The following FAAP20 variants were observed in gnomAD, a reference collection of about 807,000 sequenced individuals.
FAAP20 encodes Fanconi anemia core complex-associated protein 20.
FAAP20 carries 12 observed loss-of-function variants against 16.2 expected under a neutral mutation model. That is an observed-to-expected ratio of 0.74 (90% confidence interval 0.48 to 1.20). The LOEUF is 1.20. Ranked by LOEUF, FAAP20 falls within the 50% of genes most tolerant of loss-of-function variation. The pLI is 0.00. For missense variants in FAAP20, 288 were observed against 245.8 expected, an observed-to-expected ratio of 1.17 and a Z score of -1.15; for synonymous variants, 141 against 110.7, an observed-to-expected ratio of 1.27 and a Z score of -1.72.
upstream of FAAP20, chr1:2,199,468 AT>A: frequency 3.0e-6 from 3 of 997,662 alleles, no homozygotes; most frequent in Non-Finnish European, 3.6e-6. This position sits in a 1 kb window ranked among gnomAD's most constrained non-coding sequence, Gnocchi z 4.5. Context: ...GTGAGCTCAG[AT>A]GCTGATTGGT....
At chr1:2,191,629 T>C (rs1233806368) in intron 3 of FAAP20, 1 of 160,316 alleles carries the variant, frequency 6.2e-6, no homozygotes, top group Non-Finnish European at 1.3e-5. Context: ...TAATCCCAGC[T>C]ACTCAGGAGA....
chr1:2,187,379 A>G (rs943801186), downstream of FAAP20, among the ~76,000 whole-genome samples: 4 of 147,774 alleles, frequency 2.7e-5, no homozygotes, highest in Non-Finnish European at 5.9e-5. Context: ...ATCTCGGCTC[A>G]CTGCAACCTC....
chr1:2,198,047 G>A (rs1688893280), upstream of FAAP20: 5 of 1,291,424 alleles, frequency 3.9e-6, no homozygotes, highest in Non-Finnish European at 5.1e-6. Context: ...TGACACAGCG[G>A]TGCTGGTGAT....
At chr1:2,200,832 C>T, upstream of FAAP20, 2 of 1,050,608 alleles carry the variant, frequency 1.9e-6, no homozygotes, top group Non-Finnish European at 2.3e-6. Flanking sequence ...GAGGATCCCC[C>T]AAGGTCCTCC....
chr1:2,194,728 G>T lies in FAAP20; in HGVS notation c.22C>A (p.Arg8=). The change falls in exon 1 of 4, where the codon CGG becomes AGG. Residue 8 remains arginine, a synonymous_variant. Coordinates refer to ENST00000378546, the MANE Select transcript of FAAP20 (RefSeq NM_182533.4). MEAARRP[R]LGLSRRRPRP... is the part of the protein sequence containing the mutation. ...GGCCTCCGGCGGCTCAACCCCAGCCGCGGCCTCCGCGCCGCCTCCATCCAA... is the reference window on the plus strand; with the variant it reads ...GGCCTCCGGCGGCTCAACCCCAGCCTCGGCCTCCGCGCCGCCTCCATCCAA... 1.7e-6 allele frequency: 2 copies of T among 1,190,058 alleles called. No homozygotes were observed. The highest frequency in any genetic ancestry group is 2.1e-6 in the Non-Finnish European group (2 of 963,616). The allele number at this position is 1,190,058 out of a possible 1,614,324, so 73.7% of individuals were successfully genotyped here.
chr1:2,197,350 C>T (rs532304422), upstream of FAAP20, among the ~76,000 whole-genome samples: 10 of 152,304 alleles, frequency 6.6e-5, 1 homozygote, highest in Middle Eastern at 6.8e-3. Context: ...GGGGCAGAGC[C>T]GAGCAGAAGC....
downstream of FAAP20, among the ~76,000 whole-genome samples, chr1:2,188,454 T>A (rs1353275606): frequency 1.3e-5 from 2 of 152,158 alleles, no homozygotes; most frequent in African/African-American, 4.8e-5. Context: ...AACCAGACTC[T>A]CTCGGCTCCA....
chr1:2,195,995 C>T (rs2503711), upstream of FAAP20, among the ~76,000 whole-genome samples: 2 of 151,936 alleles, frequency 1.3e-5, no homozygotes, highest in Non-Finnish European at 2.9e-5. Context: ...TGCTGCAGGC[C>T]GTGTGGTCTC....
chr1:2,185,256 G>C (rs915975725), downstream of FAAP20: 2 of 714,606 alleles, frequency 2.8e-6, no homozygotes, highest in Non-Finnish European at 5.2e-6. Flanking sequence ...GCGGATCCGC[G>C]GGGACCCTGC....
downstream of FAAP20, among the ~76,000 whole-genome samples, chr1:2,207,372 C>T (rs201219114): frequency 3.9e-5 from 6 of 152,310 alleles, no homozygotes; most frequent in East Asian, 9.7e-4. Flanking sequence ...CAAAGCTGCT[C>T]TCCTCTTTTC....
At chr1:2,211,424 TA>T (rs1689438705), downstream of FAAP20, among the ~76,000 whole-genome samples, 3 of 30,722 alleles carry the variant, frequency 9.8e-5, no homozygotes, top group African/African-American at 4.2e-4. Context: ...TATATATATA[TA>T]TATATATATA....
Position 2,189,638 on chromosome 1 carries a change from G to A in FAAP20, c.*71C>T. ...AGGCGGGGCTGCTGGCGGGGGAGCC[G>A]AGAGGCGGGGCTGCTGGCGGGGGAG... On this transcript the variant is annotated 3_prime_UTR_variant, in exon 4 of 4. Transcript: ENST00000378546. The A allele has an allele frequency of 7.9e-7, 1 of 1,267,244 alleles. No homozygotes were observed. Among genetic ancestry groups the A allele is most frequent in the Non-Finnish European group, 1.1e-6 (1 of 899,542 alleles). The allele number at this position is 1,267,244 out of a possible 1,614,324, so 78.5% of individuals were successfully genotyped here. A position where few individuals can be genotyped will look rare whatever the true frequency, so the allele number is the denominator to read the frequency against.
chr1:2,197,557 C>G (rs539693810), upstream of FAAP20, among the ~76,000 whole-genome samples: 21 of 152,348 alleles, frequency 1.4e-4, 1 homozygote, highest in South Asian at 3.7e-3. Flanking sequence ...CTTAGCCACC[C>G]CAGTGGGCCT....
chr1:2,210,985 C>T (rs548892202), downstream of FAAP20, among the ~76,000 whole-genome samples: 6 of 152,278 alleles, frequency 3.9e-5, no homozygotes, highest in Non-Finnish European at 7.4e-5. Context: ...GGTGTGGGGC[C>T]GGGCCCTGCA....
At chr1:2,211,907 T>TC (rs1194642528), downstream of FAAP20, among the ~76,000 whole-genome samples, 2 of 144,602 alleles carry the variant, frequency 1.4e-5, 1 homozygote, top group Non-Finnish European at 3.0e-5. Flanking sequence ...CTGCTTTTTT[T>TC]TTTTTTTTTT....
At chr1:2,198,036 A>T, upstream of FAAP20, 1 of 1,291,414 alleles carries the variant, frequency 7.7e-7, no homozygotes, top group Non-Finnish European at 1.0e-6. Flanking sequence ...AGTTATCAGC[A>T]TGACACAGCG....
chr1:2,185,772 A>T (rs1324644657), downstream of FAAP20, among the ~76,000 whole-genome samples: 1 of 152,232 alleles, frequency 6.6e-6, no homozygotes, highest in African/African-American at 2.4e-5. Context: ...ATTTCTGACC[A>T]CACTAAGCAG....
chr1:2,203,714 G>A (rs981734640), upstream of FAAP20: 21 of 922,442 alleles, frequency 2.3e-5, no homozygotes, highest in East Asian at 1.2e-4. Context: ...TTCCTTGAGC[G>A]GTCCTGGAGC....
downstream of FAAP20, chr1:2,185,137 G>A (rs1046017056): frequency 2.7e-5 from 24 of 903,348 alleles, no homozygotes; most frequent in African/African-American, 1.5e-4. Context: ...CGCCGAGACC[G>A]CAGAGGGAAG....
Sources: allele counts gnomAD v4.1 joint callset (sites outside exome capture counted in the v4.1 genomes callset), GRCh38; gene constraint gnomAD v4.1.1; non-coding constraint Gnocchi (gnomAD v3.1); transcripts MANE v1.5; gene names NCBI Gene and HGNC (gene_info 2026-07-23, HGNC 2026-07-21).